Variants in RANBP17 observed in about 807,000 individuals in gnomAD.
RANBP17 encodes the protein RAN binding protein 17.
In RANBP17, 158 loss-of-function variants were observed where a neutral mutation model predicts 141.2. The ratio of observed to expected loss-of-function variants is 1.12; its 90% confidence interval spans 0.98 to 1.28. RANBP17 has a LOEUF of 1.28. RANBP17 is among the 50% of genes most tolerant of loss of function. The pLI, the probability that RANBP17 is intolerant of heterozygous loss-of-function variation, is 0.00. For synonymous variants in RANBP17, 430 were observed against 450.0 expected (o/e 0.96, Z 0.56); for missense variants, 1,438 against 1,290.7 (o/e 1.11, Z -1.75).
intron 14 of RANBP17, chr5:171,143,192 T>C (rs539703197): frequency 6.6e-6 from 1 of 152,318 alleles, no homozygotes; most frequent in South Asian, 2.1e-4. Flanking sequence ...CAAATGGAAG[T>C]TTTTGTTCCT....
chr5:171,256,324 T>C (rs1020906447), intron 24 of RANBP17, among the ~76,000 whole-genome samples: 7 of 152,202 alleles, frequency 4.6e-5, no homozygotes, highest in African/African-American at 1.7e-4. Flanking sequence ...TGGGGATTAA[T>C]TAGAGATAAT....
chr5:171,208,366 G>T (rs1248421630), intron 20 of RANBP17, among the ~76,000 whole-genome samples: 2 of 152,150 alleles, frequency 1.3e-5, no homozygotes, highest in African/African-American at 4.8e-5. Flanking sequence ...TCCAGGGCTG[G>T]AGAATTGAAG....
At chr5:171,063,756 G>T (rs1784090185) in intron 14 of RANBP17, among the ~76,000 whole-genome samples, 1 of 152,202 alleles carries the variant, frequency 6.6e-6, no homozygotes, top group East Asian at 1.9e-4. Context: ...TCTGTGCCCT[G>T]CCCCCAGAGG....
chr5:171,195,191 T>G (rs993129642), intron 18 of RANBP17, among the ~76,000 whole-genome samples: 2 of 152,192 alleles, frequency 1.3e-5, no homozygotes, highest in Non-Finnish European at 2.9e-5. Context: ...TGTACCTTTG[T>G]CTTATTAAGA....
Position 170,933,975 on chromosome 5 carries a change from C to T in RANBP17, c.1468+9425C>T, listed in dbSNP as rs959166328. On this transcript the variant is annotated intron_variant, in intron 12 of 27. Transcript: ENST00000523189. The stretch of plus-strand genomic sequence containing the variant: ...TTCAATTCCTGGATATCCTTGTTAA[C>T]TTTCTGTCTCGTTGATCTGTGTAAT... 5.9e-5 allele frequency among the ~76,000 whole-genome samples: 9 copies of T among 152,190 alleles called. No homozygotes were observed. In the South Asian group the frequency reaches 1.9e-3, roughly 32 times the overall value.
intron 25 of RANBP17, among the ~76,000 whole-genome samples, chr5:171,272,477 A>G (rs146442886): frequency 5.0e-4 from 76 of 152,336 alleles, no homozygotes; most frequent in Admixed American, 1.4e-3. Flanking sequence ...GTGAAGGTGT[A>G]GTATTATCAT....
At chr5:171,178,642 G>A (rs1443977650) in intron 16 of RANBP17, among the ~76,000 whole-genome samples, 1 of 152,164 alleles carries the variant, frequency 6.6e-6, no homozygotes, top group African/African-American at 2.4e-5. Context: ...CACCAACAGT[G>A]TAAAGGCATT....
At chr5:170,896,188 G>A in intron 5 of RANBP17, 73 bp downstream of exon 5, 1 of 1,061,266 alleles carries the variant, frequency 9.4e-7, no homozygotes, top group Non-Finnish European at 1.4e-6. Context: ...GCTTTTATTT[G>A]TGGCAAAATA....
At chr5:171,079,031 G>T (rs763642503) in intron 14 of RANBP17, among the ~76,000 whole-genome samples, 2 of 152,148 alleles carry the variant, frequency 1.3e-5, no homozygotes, top group Non-Finnish European at 1.5e-5. Context: ...CTTCTGGAAA[G>T]GTTTCACCAT....
chr5:171,279,100 T>G (rs1470061951), intron 25 of RANBP17, among the ~76,000 whole-genome samples: 1 of 152,160 alleles, frequency 6.6e-6, no homozygotes, highest in East Asian at 1.9e-4. Context: ...TGTTTTGCCT[T>G]TCTTAATGTT....
At chr5:171,236,831 G>A (rs1484191861) in intron 22 of RANBP17, among the ~76,000 whole-genome samples, 1 of 152,182 alleles carries the variant, frequency 6.6e-6, no homozygotes, top group East Asian at 1.9e-4. Flanking sequence ...TACCTAGATA[G>A]TAAGGAAAGA....
intron 3 of RANBP17, among the ~76,000 whole-genome samples, chr5:170,887,989 A>G (rs953269394): frequency 6.6e-6 from 1 of 152,228 alleles, no homozygotes; most frequent in African/African-American, 2.4e-5. Context: ...GTGGCAGTTA[A>G]GTTTCAGCAT....
At chr5:170,888,154 C>G (rs1344302267) in intron 3 of RANBP17, among the ~76,000 whole-genome samples, 1 of 152,094 alleles carries the variant, frequency 6.6e-6, no homozygotes, top group Non-Finnish European at 1.5e-5. Context: ...ATTGTGTTGG[C>G]TATTTTGGTA....
intron 14 of RANBP17, among the ~76,000 whole-genome samples, chr5:171,060,565 C>T (rs1188018398): frequency 2.0e-5 from 3 of 152,064 alleles, no homozygotes; most frequent in Non-Finnish European, 2.9e-5. Context: ...TTCGGTTTGT[C>T]AGTATTTTAT....
At chr5:171,101,065 A>G (rs1319174016) in intron 14 of RANBP17, among the ~76,000 whole-genome samples, 1 of 152,210 alleles carries the variant, frequency 6.6e-6, no homozygotes, top group Non-Finnish European at 1.5e-5. Context: ...GCTGAGAAGA[A>G]TGTATATTCT....
intron 24 of RANBP17, among the ~76,000 whole-genome samples, chr5:171,262,632 T>G (rs1766408365): frequency 6.6e-6 from 1 of 150,472 alleles, no homozygotes; most frequent in Admixed American, 6.6e-5. Context: ...CATTTATCAT[T>G]TGTTTGTGTT....
chr5:170,864,261 A>G (rs979315628), intron 1 of RANBP17, among the ~76,000 whole-genome samples: 1 of 152,212 alleles, frequency 6.6e-6, no homozygotes, highest in African/African-American at 2.4e-5. Flanking sequence ...GGCAAAAATT[A>G]TACCATCAAG....
chr5:171,018,382 T>C (rs947165141), intron 14 of RANBP17, among the ~76,000 whole-genome samples: 11 of 152,180 alleles, frequency 7.2e-5, no homozygotes, highest in Non-Finnish European at 1.0e-4. Flanking sequence ...ATTCTTCCTA[T>C]CCGTGAGGAT....
At chr5:171,063,793 C>T (rs968139770) in intron 14 of RANBP17, among the ~76,000 whole-genome samples, 1 of 152,224 alleles carries the variant, frequency 6.6e-6, no homozygotes, top group Non-Finnish European at 1.5e-5. Context: ...AGGCAGGCTT[C>T]CTTGAGCTGT....
Sources: gnomAD v4.1 joint callset for allele counts (sites outside exome capture counted in the v4.1 genomes callset) on GRCh38, gnomAD v4.1.1 for gene constraint, MANE v1.5 for transcripts, NCBI Gene and HGNC (gene_info 2026-07-23, HGNC 2026-07-21) for gene names.